Variants in GRIA4 observed in about 807,000 individuals in gnomAD.
GRIA4 encodes glutamate ionotropic receptor AMPA type subunit 4, also known as glutamate receptor 4.
Under a neutral mutation model 104.0 loss-of-function variants are expected in GRIA4, and 34 were observed. That is an observed-to-expected ratio of 0.33 (90% CI 0.25 to 0.44). The LOEUF (loss-of-function observed/expected upper bound fraction) is 0.44, where lower values mean the gene tolerates loss of function less well. GRIA4 is among the 20% of genes least tolerant of loss of function. The pLI is 1.00. For synonymous variants in GRIA4, 386 were observed against 381.9 expected, an observed-to-expected ratio of 1.01 and a Z score of -0.13; for missense variants, 750 against 1,096.5, an observed-to-expected ratio of 0.68 and a Z score of 4.46.
At chr11:105,915,570 T>C (rs1947374814) in intron 10 of GRIA4, among the ~76,000 whole-genome samples, 4 of 152,178 alleles carry the variant, frequency 2.6e-5, no homozygotes, top group Admixed American at 2.0e-4. Context: ...GAAACACTGA[T>C]AGGCCAGGAT....
At chr11:105,729,974 C>T (rs776356892) in intron 3 of GRIA4, among the ~76,000 whole-genome samples, 6 of 152,158 alleles carry the variant, frequency 3.9e-5, no homozygotes, top group Admixed American at 2.6e-4. Context: ...CGGCACAAGA[C>T]GAGGATGCCC....
chr11:105,978,320 C>G (rs1426291911), intron 16 of GRIA4, among the ~76,000 whole-genome samples: 7 of 150,392 alleles, frequency 4.7e-5, no homozygotes, highest in Admixed American at 2.7e-4. Context: ...TCCTTGATTT[C>G]TAAATATAAA....
chr11:105,837,699 C>A (rs187361705), intron 4 of GRIA4, among the ~76,000 whole-genome samples: 1 of 152,174 alleles, frequency 6.6e-6, no homozygotes, highest in East Asian at 1.9e-4. Flanking sequence ...TAACTTCTCT[C>A]AGTGTGAAGA....
At chr11:105,915,545 A>G (rs1947373899) in intron 10 of GRIA4, among the ~76,000 whole-genome samples, 1 of 152,210 alleles carries the variant, frequency 6.6e-6, no homozygotes. Flanking sequence ...ATTACTTTAT[A>G]AAGATACTAT....
chr11:105,688,429 C>T (rs1203271003), intron 3 of GRIA4, among the ~76,000 whole-genome samples: 7 of 151,928 alleles, frequency 4.6e-5, no homozygotes, highest in Non-Finnish European at 1.0e-4. Context: ...GGCGTGGTGG[C>T]GTGCGCCTGT....
chr11:105,694,871 C>A (rs1383319191), intron 3 of GRIA4, among the ~76,000 whole-genome samples: 1 of 152,126 alleles, frequency 6.6e-6, no homozygotes, highest in Non-Finnish European at 1.5e-5. Context: ...ATATTAGAGG[C>A]ATTTTAGGCA....
chr11:105,803,703 C>G (rs1942817888), intron 4 of GRIA4, among the ~76,000 whole-genome samples: 1 of 151,606 alleles, frequency 6.6e-6, no homozygotes, highest in Admixed American at 6.6e-5. Context: ...TGTATATCTT[C>G]CAGATAAAGA....
intron 3 of GRIA4, among the ~76,000 whole-genome samples, chr11:105,708,141 T>C (rs529808413): frequency 5.1e-4 from 77 of 152,278 alleles, no homozygotes; most frequent in African/African-American, 1.8e-3. Context: ...CCAGATAACT[T>C]ATTTTGTACT....
chr11:105,880,878 A>G (rs932201370), intron 5 of GRIA4, among the ~76,000 whole-genome samples: 9 of 152,326 alleles, frequency 5.9e-5, no homozygotes, highest in Non-Finnish European at 1.0e-4. Context: ...TACAGAGATG[A>G]AAAGCTTGGG....
chr11:105,747,368 T>C (rs574298339), intron 3 of GRIA4, among the ~76,000 whole-genome samples: 1 of 152,220 alleles, frequency 6.6e-6, no homozygotes, highest in South Asian at 2.1e-4. Context: ...CACAAAATAG[T>C]ATCAAATTAC....
At chr11:105,869,333 AT>A (rs970661148) in intron 5 of GRIA4, among the ~76,000 whole-genome samples, 2 of 152,150 alleles carry the variant, frequency 1.3e-5, no homozygotes, top group African/African-American at 2.4e-5. Flanking sequence ...AATTTCTACT[AT>A]TGTTTTTGAC....
At chr11:105,931,773 T>C (rs1221787641) in intron 13 of GRIA4, among the ~76,000 whole-genome samples, 2 of 152,116 alleles carry the variant, frequency 1.3e-5, no homozygotes, top group Non-Finnish European at 2.9e-5. Flanking sequence ...AGTTTGCAAA[T>C]CAGTGATTGT....
chr11:105,674,371 T>C (rs1247666750), intron 3 of GRIA4, among the ~76,000 whole-genome samples: 4 of 151,716 alleles, frequency 2.6e-5, no homozygotes. Flanking sequence ...TTTACTCAAA[T>C]AGTCAAGTTT....
rs1555046492 is a variant in GRIA4, at chr11:105,912,520, T to TTATATATATATAAATATATATATATTTA, written c.1269+1990_1269+2017dup. 2.5e-4 allele frequency: 86 copies of TTATATATATATAAATATATATATATTTA among 344,666 alleles called. 1 individual carries two copies. The highest frequency in any genetic ancestry group is 2.3e-3 in the South Asian group (19 of 8,398). 21.4% of individuals were successfully genotyped at this position (344,666 alleles called of 1,614,324 possible). On this transcript the variant is annotated intron_variant, in intron 10 of 16. Transcript: ENST00000282499. ...AAATGACTGAAAAAATCCAACTGTT[T>TTATATATATATAAATATATATATATTTA]TATATATATATAAATATATATATAT...
chr11:105,766,672 T>G (rs1051595574), intron 4 of GRIA4, among the ~76,000 whole-genome samples: 7 of 152,152 alleles, frequency 4.6e-5, no homozygotes, highest in Admixed American at 2.6e-4. Flanking sequence ...AGCTGGATTG[T>G]TAGCAGGTTT....
chr11:105,871,807 T>C (rs1354624592), intron 5 of GRIA4, among the ~76,000 whole-genome samples: 1 of 152,010 alleles, frequency 6.6e-6, no homozygotes, highest in Non-Finnish European at 1.5e-5. Flanking sequence ...TGACCAAAAA[T>C]GGTATTAGCT....
chr11:105,833,780 TAGAG>T lies in GRIA4; in HGVS notation c.488-28241_488-28238del, dbSNP rs149997697. On this transcript the variant is annotated intron_variant, in intron 4 of 16. Transcript: ENST00000282499. ...GCTATGTGCTGTCAAAAGTGTGAAA[TAGAG>T]AGCCCTTACATGTTCTCCTACCTAT... Among the ~76,000 whole-genome samples, 1,403 of 152,116 alleles carry T rather than the reference TAGAG, an allele frequency of 9.2e-3. 24 individuals carry two copies. The highest frequency in any genetic ancestry group is 0.032 in the African/African-American group (1,321 of 41,548).
chr11:105,852,052 T>G (rs2135990030), intron 4 of GRIA4, among the ~76,000 whole-genome samples: 1 of 152,308 alleles, frequency 6.6e-6, no homozygotes, highest in South Asian at 2.1e-4. Context: ...GCTCATGAAA[T>G]GTCTTAAATG....
At chr11:105,934,059 T>C in intron 14 of GRIA4, 90 bp downstream of exon 14, 3 of 1,081,594 alleles carry the variant, frequency 2.8e-6, no homozygotes, top group Non-Finnish European at 2.7e-6. Context: ...GTTTTGTGTG[T>C]GAACATGGTA....
Sources: gnomAD v4.1 joint callset for allele counts (sites outside exome capture counted in the v4.1 genomes callset) on GRCh38, gnomAD v4.1.1 for gene constraint, MANE v1.5 for transcripts, NCBI Gene and HGNC (gene_info 2026-07-23, HGNC 2026-07-21) for gene names.